Variants in ANO10 observed in about 807,000 individuals in gnomAD.
ANO10 encodes the protein anoctamin 10, also known as anoctamin-10.
Under a neutral mutation model 74.7 loss-of-function variants are expected in ANO10, and 77 were observed. The ratio of observed to expected loss-of-function variants is 1.03; its 90% CI spans 0.86 to 1.25. The LOEUF (loss-of-function observed/expected upper bound fraction) is 1.25, where lower values mean the gene tolerates loss of function less well. Ranked by LOEUF, ANO10 falls within the 50% of genes most tolerant of loss-of-function variation. The probability of loss-of-function intolerance (pLI) is 0.00; values close to 1 mark genes in which losing one functional copy is unlikely to be tolerated. For missense variants in ANO10, 721 were observed against 778.1 expected (o/e 0.93, Z 0.87); for synonymous variants, 279 against 284.9 (o/e 0.98, Z 0.21).
At chr3:43,654,070 A>C (rs1055536503) in intron 1 of ANO10, among the ~76,000 whole-genome samples, 1 of 152,274 alleles carries the variant, frequency 6.6e-6, no homozygotes, top group Non-Finnish European at 1.5e-5. Context: ...ACAGAATTAC[A>C]GGAAAATGGA....
chr3:43,503,877 A>T (rs2077186754), intron 11 of ANO10, among the ~76,000 whole-genome samples: 1 of 152,170 alleles, frequency 6.6e-6, no homozygotes, highest in Non-Finnish European at 1.5e-5. Flanking sequence ...AGGCTGAGAG[A>T]GGATTTTTTT....
chr3:43,375,245 A>C (rs2091759313), intron 12 of ANO10, among the ~76,000 whole-genome samples: 1 of 152,086 alleles, frequency 6.6e-6, no homozygotes, highest in Non-Finnish European at 1.5e-5. Context: ...CAGGAGTTTG[A>C]GACCAGCCTG....
intron 11 of ANO10, among the ~76,000 whole-genome samples, chr3:43,514,591 T>C (rs1246997854): frequency 6.6e-6 from 1 of 152,170 alleles, no homozygotes; most frequent in Admixed American, 6.6e-5. Flanking sequence ...GCAGTAAGGA[T>C]ACAGAAAGCC....
chr3:43,601,574 C>G (rs528323253), intron 2 of ANO10, among the ~76,000 whole-genome samples: 1 of 152,282 alleles, frequency 6.6e-6, no homozygotes, highest in African/African-American at 2.4e-5. Flanking sequence ...AAATATTAAT[C>G]AGATGATAAC....
At chr3:43,561,116 G>A (rs926894919) in intron 9 of ANO10, 104 bp downstream of exon 9, 1 of 1,338,106 alleles carries the variant, frequency 7.5e-7, no homozygotes. Flanking sequence ...AGCACTTCTA[G>A]AATAGTCACA....
At chr3:43,639,091 G>T (rs2083643790) in intron 1 of ANO10, 1 of 152,334 alleles carries the variant, frequency 6.6e-6, no homozygotes, top group Non-Finnish European at 1.5e-5. Flanking sequence ...TTCCTGCAGA[G>T]GGAGGGCTCA....
At chr3:43,372,336 G>A (rs528350394) in intron 12 of ANO10, among the ~76,000 whole-genome samples, 2 of 152,188 alleles carry the variant, frequency 1.3e-5, no homozygotes, top group South Asian at 2.1e-4. Context: ...GCACTGAGAC[G>A]GCACCCCAGA....
intron 11 of ANO10, among the ~76,000 whole-genome samples, chr3:43,517,116 A>G (rs1467123375): frequency 1.3e-5 from 2 of 152,150 alleles, no homozygotes; most frequent in Non-Finnish European, 2.9e-5. Flanking sequence ...TAATCAGTAC[A>G]TTTTTTTCAG....
chr3:43,509,319 T>C (rs1168323164), intron 11 of ANO10, among the ~76,000 whole-genome samples: 1 of 152,052 alleles, frequency 6.6e-6, no homozygotes, highest in East Asian at 1.9e-4. Flanking sequence ...TACACGTATG[T>C]AACAAACCTG....
chr3:43,547,907 C>T (rs962377377), intron 11 of ANO10, among the ~76,000 whole-genome samples: 8 of 152,304 alleles, frequency 5.3e-5, no homozygotes, highest in African/African-American at 1.9e-4. Context: ...GTAATGAGCT[C>T]ATCCAGCATT....
chr3:43,540,744 G>A (rs1335366675), intron 11 of ANO10, among the ~76,000 whole-genome samples: 3 of 152,208 alleles, frequency 2.0e-5, no homozygotes, highest in Non-Finnish European at 4.4e-5. Flanking sequence ...GCACTGTTAG[G>A]AGGGAATGGA....
At chr3:43,688,411 G>A (rs1231029169) in intron 1 of ANO10, among the ~76,000 whole-genome samples, 1 of 152,168 alleles carries the variant, frequency 6.6e-6, no homozygotes, top group Non-Finnish European at 1.5e-5. Flanking sequence ...TATTGTGGAG[G>A]CTAAAGTAAC....
chr3:43,605,192 C>T (rs1389671282), intron 2 of ANO10, among the ~76,000 whole-genome samples: 2 of 152,114 alleles, frequency 1.3e-5, no homozygotes, highest in Non-Finnish European at 2.9e-5. Context: ...GTCATCTAAC[C>T]CTTTCCTTTC....
intron 1 of ANO10, among the ~76,000 whole-genome samples, chr3:43,647,153 A>ATGTGTGTG (rs57290936): frequency 0.21 from 30,315 of 141,620 alleles, 3,514 homozygotes; most frequent in South Asian, 0.31. Context: ...ATGTGTATAT[A>ATGTGTGTG]TGTGTGTGTG....
At chr3:43,392,819 A>G (rs532819662) in intron 12 of ANO10, among the ~76,000 whole-genome samples, 3 of 152,080 alleles carry the variant, frequency 2.0e-5, no homozygotes, top group African/African-American at 7.2e-5. Context: ...TTGCTTTTTC[A>G]ACTCTAGCTC....
intron 8 of ANO10, among the ~76,000 whole-genome samples, chr3:43,562,913 C>G (rs530356840): frequency 6.6e-6 from 1 of 152,190 alleles, no homozygotes; most frequent in African/African-American, 2.4e-5. Context: ...AAAGTTCCCA[C>G]CATTTTATGG....
intron 1 of ANO10, among the ~76,000 whole-genome samples, chr3:43,667,728 T>C (rs1244874272): frequency 6.6e-6 from 1 of 152,180 alleles, no homozygotes; most frequent in African/African-American, 2.4e-5. Flanking sequence ...TCACTTAAAA[T>C]TATGGCCTCC....
chr3:43,603,428 T>C (rs188101165), intron 2 of ANO10, among the ~76,000 whole-genome samples: 129 of 152,322 alleles, frequency 8.5e-4, no homozygotes, highest in African/African-American at 2.8e-3. Flanking sequence ...CTTGTCTCAA[T>C]ATTATCTTCT....
At chr3:43,558,020 G>A (rs532082437) in intron 9 of ANO10, among the ~76,000 whole-genome samples, 49 of 150,482 alleles carry the variant, frequency 3.3e-4, no homozygotes, top group African/African-American at 1.1e-3. Context: ...TAGAAGGATC[G>A]CTTGAGCCTG....
Sources: gnomAD v4.1 joint callset for allele counts (sites outside exome capture counted in the v4.1 genomes callset) on GRCh38, gnomAD v4.1.1 for gene constraint, MANE v1.5 for transcripts, NCBI Gene and HGNC (gene_info 2026-07-23, HGNC 2026-07-21) for gene names.